The following USP8 variants were observed in gnomAD, a reference collection of about 807,000 sequenced individuals.
USP8 encodes the protein ubiquitin carboxyl-terminal hydrolase 8.
A neutral mutation model predicts 130.0 loss-of-function variants in USP8; 27 were observed. The ratio of observed to expected loss-of-function variants is 0.21; its 90% CI spans 0.15 to 0.29. USP8 has a LOEUF of 0.29. USP8 is among the 10% of genes least tolerant of loss of function. USP8 has a pLI of 1.00. For synonymous variants in USP8, 392 were observed against 444.1 expected, an observed-to-expected ratio of 0.88 and a Z score of 1.48; for missense variants, 1,029 against 1,312.2, an observed-to-expected ratio of 0.78 and a Z score of 3.33.
At chr15:50,462,435 T>G (rs907162135) in intron 6 of USP8, 113 bp downstream of exon 6, 6 of 902,626 alleles carry the variant, frequency 6.6e-6, no homozygotes, top group Non-Finnish European at 9.7e-6. Flanking sequence ...CTAATCTCTA[T>G]GTAAGCTTTA....
At chr15:50,447,811 C>A (rs1352130128) in intron 3 of USP8, among the ~76,000 whole-genome samples, 1 of 151,468 alleles carries the variant, frequency 6.6e-6, no homozygotes, top group African/African-American at 2.4e-5. Context: ...ACTATATGCC[C>A]AGGCAGGTCT....
At chr15:50,439,288 C>A (rs964814983) in intron 2 of USP8, 111 bp downstream of exon 2, 1 of 679,428 alleles carries the variant, frequency 1.5e-6, no homozygotes, top group East Asian at 3.1e-5. Context: ...CACCATCACA[C>A]GAATAAAGTA....
chr15:50,495,041 CTCCATGTAACCAAATG>C (rs1432394583), intron 16 of USP8, among the ~76,000 whole-genome samples: 1 of 150,342 alleles, frequency 6.7e-6, no homozygotes, highest in Non-Finnish European at 1.5e-5. Flanking sequence ...AAAAAAATTA[CTCCATGTAACCAAATG>C]ACTCATGTGA....
At chr15:50,484,196 GGTTGTGTTAGCTA>G in intron 11 of USP8, 66 bp from the exon 12 acceptor site, 1 of 1,070,656 alleles carries the variant, frequency 9.3e-7, no homozygotes, top group Non-Finnish European at 1.3e-6. Flanking sequence ...TCATAGATTC[GGTTGTGTTAGCTA>G]GTAGCTTTAT....
rs148244041 is a variant in USP8 at position 50,481,592 on chromosome 15, C to A, written c.1330C>A (p.Arg444Ser). The A allele has an allele frequency of 3.7e-6, 6 of 1,613,870 alleles. No individual in the cohort carries two copies. Among genetic ancestry groups the A allele is most frequent in the Non-Finnish European group, 5.1e-6 (6 of 1,179,996 alleles). The change falls in exon 11 of 20, where the codon CGT (arginine) becomes AGT (serine). Residue 444 changes from arginine (R) to serine (S), a missense_variant. By Grantham distance (110) the Arg-to-Ser change is moderately radical. Coordinates refer to ENST00000307179, the MANE Select transcript of USP8 (RefSeq NM_005154.5). The part of the protein sequence containing the change: ...SPQSGKVIPD[R>S]STKPVVFSPT... ...TCAGAGTGGAAAAGTTATTCCTGAT[C>A]GTTCCACCAAGCCAGTAGTTTTTTC...
At chr15:50,445,566 AAAAG>A in intron 3 of USP8, among the ~76,000 whole-genome samples, 1 of 111,562 alleles carries the variant, frequency 9.0e-6, no homozygotes, top group African/African-American at 3.5e-5. Context: ...AAAAAAAAAA[AAAAG>A]CCTGGGCACA....
Position 50,471,723 on chromosome 15 carries a change from T to C in USP8, c.777T>C (p.Leu259=). Residue 259 remains leucine (L), a synonymous_variant, in exon 8 of 20, where the codon CTT becomes CTC. Transcript: ENST00000307179. The stretch of plus-strand genomic sequence containing the variant: ...GGAATGTGGAGTATGTGGTACTTCT[T>C]GACTGGTTTAGTTCTGCCAAAGATT... ...KRGNVEYVVL[L]DWFSSAKDLQ... is the part of the protein sequence containing the mutation. 1 of 1,614,172 alleles carries C rather than the reference T, an allele frequency of 6.2e-7. No individual in the cohort carries two copies. Among genetic ancestry groups the C allele is most frequent in the Admixed American group, 1.7e-5 (1 of 60,012 alleles).
intron 1 of USP8, among the ~76,000 whole-genome samples, chr15:50,428,387 G>A (rs1237076606): frequency 6.6e-6 from 1 of 152,204 alleles, no homozygotes; most frequent in Admixed American, 6.5e-5. Flanking sequence ...AAAGTGCTGG[G>A]ATTACAGGCG....
intron 1 of USP8, among the ~76,000 whole-genome samples, chr15:50,426,208 A>G (rs2049714934): frequency 6.6e-6 from 1 of 152,228 alleles, no homozygotes; most frequent in African/African-American, 2.4e-5. Flanking sequence ...AAGCCAGTAC[A>G]TTAAATTTTT....
chr15:50,459,517 G>A (rs1201718686), intron 5 of USP8, among the ~76,000 whole-genome samples: 1 of 152,158 alleles, frequency 6.6e-6, no homozygotes, highest in East Asian at 1.9e-4. Flanking sequence ...CCAGGAGGCA[G>A]AGGCTGCAGT....
rs781177898 is a variant in USP8 at position 50,481,891 on chromosome 15, G to T, written c.1629G>T (p.Lys543Asn). 2 of 1,581,826 alleles carry T rather than the reference G, an allele frequency of 1.3e-6. No homozygotes were observed. Among genetic ancestry groups the T allele is most frequent in the Non-Finnish European group, 1.7e-6 (2 of 1,167,826 alleles). The change falls in exon 11 of 20, where the codon AAG (lysine) becomes AAT (asparagine). Residue 543 changes from lysine (K) to asparagine (N), a missense_variant. This residue lies in a region of USP8 where 486 missense variants were observed against 522.0 expected (regional missense o/e 0.93). Transcript: ENST00000307179. ...AKKEDKETSAKRGKEITGVKR... is the reference protein window; with the variant it reads ...AKKEDKETSANRGKEITGVKR... ...AAGAAGATAAAGAAACCTCAGCAAA[G>T]AGGGGCAAAGAAATAACAGGAGTAA... is the stretch of plus-strand genomic sequence containing the variant.
chr15:50,444,096 G>C (rs1163289316), intron 3 of USP8, among the ~76,000 whole-genome samples: 1 of 140,110 alleles, frequency 7.1e-6, no homozygotes, highest in Non-Finnish European at 1.5e-5. Flanking sequence ...TTGTGTGGTA[G>C]GTTTTTTTTT....
chr15:50,465,030 T>C lies in USP8; in HGVS notation c.542-17T>C, dbSNP rs554011345. On this transcript the variant is annotated splice_polypyrimidine_tract_variant and intron_variant, in intron 6 of 19. Coordinates refer to ENST00000307179, the MANE Select transcript of USP8 (RefSeq NM_005154.5). The stretch of plus-strand genomic sequence containing the variant: ...GTGCTGTTTCTTGTCACTTACACTG[T>C]CTCTCTCAATTCCAAGGAGCAATCA... The C allele has an allele frequency of 1.4e-5, 22 of 1,612,496 alleles. 1 individual carries two copies. The South Asian group carries it at 2.4e-4, about 18-fold the overall frequency.
rs545865521 is a variant in USP8, at chr15:50,427,884, G to A, written c.-66+3370G>A. On this transcript the variant is annotated intron_variant, in intron 1 of 19. Coordinates refer to ENST00000307179, the MANE Select transcript of USP8 (RefSeq NM_005154.5). ...CTTTTTTTTTTTAAACTGAGACAAG[G>A]TCTTGCTCTGTCACCCAGGCTGGAG... Among the ~76,000 whole-genome samples the A allele has an allele frequency of 1.2e-4, 18 of 151,246 alleles. No individual in the cohort carries two copies. In the East Asian group the frequency reaches 3.5e-3, roughly 30 times the overall value.
chr15:50,430,459 A>G lies in USP8; in HGVS notation c.-66+5945A>G, dbSNP rs187610743. Among the ~76,000 whole-genome samples, 142 of 152,220 alleles carry G rather than the reference A, an allele frequency of 9.3e-4. 1 individual carries two copies. Among genetic ancestry groups the G allele is most frequent in the African/African-American group, 3.3e-3 (139 of 41,538 alleles). ...CCCTCTATTGCTCAGGCTGGAGTGC[A>G]ATGGTGTAATCATGGTTCATTGCAA... On this transcript the variant is annotated intron_variant, in intron 1 of 19. Coordinates refer to ENST00000307179, the MANE Select transcript of USP8 (RefSeq NM_005154.5).
intron 8 of USP8, among the ~76,000 whole-genome samples, chr15:50,472,597 G>GAA (rs572914472): frequency 7.3e-5 from 8 of 108,996 alleles, no homozygotes; most frequent in Admixed American, 1.0e-4. Context: ...ACTCTGTCTG[G>GAA]AAAAAAAAAA....
intron 1 of USP8, among the ~76,000 whole-genome samples, chr15:50,426,689 TTTGA>T (rs2049738600): frequency 6.6e-6 from 1 of 152,134 alleles, no homozygotes; most frequent in Non-Finnish European, 1.5e-5. Context: ...AGAATACATG[TTTGA>T]GGAGTCAGGA....
At chr15:50,467,928 T>A (rs142225760) in intron 7 of USP8, among the ~76,000 whole-genome samples, 5,724 of 151,560 alleles carry the variant, frequency 0.038, 161 homozygotes, top group Middle Eastern at 0.078. Flanking sequence ...TAATTTAATT[T>A]ATTTATTTTT....
chr15:50,497,618 T>C (rs1031575881), intron 18 of USP8: 2 of 153,242 alleles, frequency 1.3e-5, no homozygotes, highest in African/African-American at 4.8e-5. Flanking sequence ...AGTATTTTAA[T>C]GATAAAATAT....
Sources: gnomAD v4.1 joint callset for allele counts (sites outside exome capture counted in the v4.1 genomes callset) on GRCh38, gnomAD v4.1.1 for gene constraint, gnomAD v4.1.1 regional missense constraint, MANE v1.5 for transcripts, NCBI Gene and HGNC (gene_info 2026-07-23, HGNC 2026-07-21) for gene names.